Variants in YAP1 observed in about 807,000 individuals in gnomAD.
YAP1 encodes the protein Yes1 associated transcriptional regulator.
YAP1 carries 5 observed loss-of-function variants against 56.9 expected under a neutral mutation model. The ratio of observed to expected loss-of-function variants is 0.09; its 90% CI spans 0.05 to 0.18. The LOEUF (loss-of-function observed/expected upper bound fraction) is 0.18, where lower values mean the gene tolerates loss of function less well. Ranked by LOEUF, YAP1 falls within the 10% of genes least tolerant of loss-of-function variation. The pLI is 1.00. For missense variants in YAP1, 539 were observed against 651.8 expected (o/e 0.83, Z 1.88); for synonymous variants, 265 against 248.1 (o/e 1.07, Z -0.64).
intron 3 of YAP1, among the ~76,000 whole-genome samples, chr11:102,166,166 T>C (rs1946595034): frequency 6.6e-6 from 1 of 152,236 alleles, no homozygotes; most frequent in Non-Finnish European, 1.5e-5. Flanking sequence ...ATCTTAAATA[T>C]ATATGAATTC....
At chr11:102,118,172 C>T (rs1591115191) in intron 2 of YAP1, among the ~76,000 whole-genome samples, 1 of 152,120 alleles carries the variant, frequency 6.6e-6, no homozygotes, top group East Asian at 1.9e-4. Flanking sequence ...TGTACATTTG[C>T]ATTGTTTTAA....
At chr11:102,123,215 T>C (rs1031756120) in intron 2 of YAP1, among the ~76,000 whole-genome samples, 2 of 152,224 alleles carry the variant, frequency 1.3e-5, no homozygotes, top group African/African-American at 4.8e-5. Flanking sequence ...TGGAAAATTC[T>C]GTATTTCCTT....
chr11:102,211,606 G>A (rs959071764), intron 6 of YAP1, among the ~76,000 whole-genome samples: 4 of 152,102 alleles, frequency 2.6e-5, no homozygotes, highest in Non-Finnish European at 4.4e-5. Context: ...GGTGGTATTT[G>A]TATCAAGAAA....
At chr11:102,161,308 C>G (rs962746898) in intron 2 of YAP1, among the ~76,000 whole-genome samples, 1 of 150,102 alleles carries the variant, frequency 6.7e-6, no homozygotes, top group East Asian at 2.0e-4. Flanking sequence ...GTGATCTGCC[C>G]GCCTCGGCCT....
At chr11:102,171,139 A>G (rs1946879418) in intron 3 of YAP1, among the ~76,000 whole-genome samples, 1 of 152,170 alleles carries the variant, frequency 6.6e-6, no homozygotes, top group Admixed American at 6.5e-5. Context: ...TGGAGTAGAG[A>G]GAATGAGAAA....
chr11:102,162,459 C>T lies in YAP1; in HGVS notation c.576C>T (p.His192=). 4 of 1,613,676 alleles carry T rather than the reference C, an allele frequency of 2.5e-6. No homozygotes were observed. The highest frequency in any genetic ancestry group is 3.4e-6 in the Non-Finnish European group (4 of 1,179,604). ...TSSGQRYFLN[H]IDQTTTWQDP... ...GCAGTGGTTTGTTTTGTCTTAGTCA[C>T]ATCGATCAGACAACAACATGGCAGG... Residue 192 remains histidine (H), a synonymous_variant, in exon 3 of 9, where the codon CAC becomes CAT. Transcript: ENST00000282441.
intron 3 of YAP1, among the ~76,000 whole-genome samples, chr11:102,173,951 A>G (rs999574192): frequency 3.3e-5 from 5 of 152,198 alleles, no homozygotes; most frequent in Admixed American, 3.3e-4. Context: ...GGTATTCTAG[A>G]GTAGTGCTTC....
rs1311878970 is a variant in YAP1 at position 102,144,874 on chromosome 11, ACACATACACACACTCATGCT to A, written c.573-17577_573-17558del. The stretch of plus-strand genomic sequence containing the variant: ...GGCCAAAACACACACACACACACAC[ACACATACACACACTCATGCT>A]CACACACTCATGCTCACACACACTT... On this transcript the variant is annotated intron_variant, in intron 2 of 8. Coordinates refer to ENST00000282441, the MANE Select transcript of YAP1 (RefSeq NM_001130145.3). Among the ~76,000 whole-genome samples the A allele has an allele frequency of 5.1e-4, 25 of 49,318 alleles. No individual in the cohort carries two copies. The East Asian group carries it at 5.5e-3, about 11-fold the overall frequency. The allele number at this position is 49,318 out of a possible 152,430, so 32.4% of individuals were successfully genotyped here. A position where few individuals can be genotyped will look rare whatever the true frequency, so the allele number is the denominator to read the frequency against.
At chr11:102,163,786 A>G (rs1000391136) in intron 3 of YAP1, among the ~76,000 whole-genome samples, 5 of 152,142 alleles carry the variant, frequency 3.3e-5, no homozygotes, top group Non-Finnish European at 7.3e-5. Context: ...CAGAACTTGA[A>G]ATGTCCTTCT....
chr11:102,206,646 A>C (rs747368860), intron 5 of YAP1, among the ~76,000 whole-genome samples: 2 of 152,116 alleles, frequency 1.3e-5, no homozygotes, highest in Non-Finnish European at 2.9e-5. Context: ...AGTTCAAGAC[A>C]AGCCTGGCCA....
At chr11:102,111,482 G>A (rs929797907) in intron 1 of YAP1, among the ~76,000 whole-genome samples, 1 of 147,732 alleles carries the variant, frequency 6.8e-6, no homozygotes, top group East Asian at 2.0e-4. Context: ...AGGTTGGCGG[G>A]AGTGGAGGAG....
Position 102,202,193 on chromosome 11 carries a change from T to C in YAP1, c.803-3700T>C, listed in dbSNP as rs192978894. The stretch of plus-strand genomic sequence containing the variant: ...TTTTTTTTTTGAGATGGAGTCTCAT[T>C]CTTTCGCCCAGGCTGGAGTGCAGTG... On this transcript the variant is annotated intron_variant, in intron 4 of 8. Transcript: ENST00000282441. 1.6e-3 allele frequency among the ~76,000 whole-genome samples: 236 copies of C among 152,118 alleles called. 2 individuals carry two copies. The highest frequency in any genetic ancestry group is 3.4e-3 in the Middle Eastern group (1 of 294).
At chr11:102,212,242 A>C (rs1056234688) in intron 6 of YAP1, among the ~76,000 whole-genome samples, 1 of 152,184 alleles carries the variant, frequency 6.6e-6, no homozygotes, top group Non-Finnish European at 1.5e-5. Context: ...CGTATACCTC[A>C]TATGCTGTGG....
intron 2 of YAP1, among the ~76,000 whole-genome samples, chr11:102,151,491 C>G (rs1409508114): frequency 1.3e-5 from 2 of 152,190 alleles, no homozygotes; most frequent in South Asian, 2.1e-4. Flanking sequence ...TCCATAAACA[C>G]CCTAAACCTT....
intron 2 of YAP1, among the ~76,000 whole-genome samples, chr11:102,153,177 A>G (rs746204364): frequency 2.6e-5 from 4 of 152,052 alleles, no homozygotes; most frequent in Non-Finnish European, 4.4e-5. Context: ...AGGTGTTCCA[A>G]TTCCAGTTAG....
chr11:102,192,940 G>A (rs1456732690), intron 4 of YAP1, among the ~76,000 whole-genome samples: 2 of 152,204 alleles, frequency 1.3e-5, no homozygotes, highest in African/African-American at 2.4e-5. Flanking sequence ...GGTGTGGGAA[G>A]TGCTGGGCTG....
intron 2 of YAP1, among the ~76,000 whole-genome samples, chr11:102,126,187 A>G (rs1285454928): frequency 2.0e-5 from 3 of 152,292 alleles, no homozygotes; most frequent in East Asian, 1.9e-4. Context: ...TTGTGAATCC[A>G]GTTTATAATT....
At chr11:102,125,672 C>G (rs896484596) in intron 2 of YAP1, among the ~76,000 whole-genome samples, 7 of 152,102 alleles carry the variant, frequency 4.6e-5, no homozygotes, top group South Asian at 4.1e-4. Context: ...AGCCATATCA[C>G]GCCTGGCCTG....
At chr11:102,143,036 A>C (rs545614677) in intron 2 of YAP1, among the ~76,000 whole-genome samples, 7 of 152,334 alleles carry the variant, frequency 4.6e-5, no homozygotes, top group Non-Finnish European at 5.9e-5. Context: ...GAAGAGATTA[A>C]GTAACTTAAA....
Sources: gnomAD v4.1 joint callset for allele counts (sites outside exome capture counted in the v4.1 genomes callset) on GRCh38, gnomAD v4.1.1 for gene constraint, MANE v1.5 for transcripts, NCBI Gene and HGNC (gene_info 2026-07-23, HGNC 2026-07-21) for gene names.